The following STXBP5L variants were observed in gnomAD, a reference collection of about 807,000 sequenced individuals.
STXBP5L encodes the protein syntaxin binding protein 5L, also known as syntaxin-binding protein 5-like.
Under a neutral mutation model 144.5 loss-of-function variants are expected in STXBP5L, and 65 were observed. The ratio of observed to expected loss-of-function variants is 0.45; its 90% CI spans 0.37 to 0.55. The LOEUF is 0.55. STXBP5L is among the 20% of genes least tolerant of loss of function. The probability of loss-of-function intolerance (pLI) is 0.00; values close to 1 mark genes in which losing one functional copy is unlikely to be tolerated. For synonymous variants in STXBP5L, 505 were observed against 469.6 expected, an observed-to-expected ratio of 1.08 and a Z score of -0.97; for missense variants, 1,298 against 1,405.5, an observed-to-expected ratio of 0.92 and a Z score of 1.22.
intron 3 of STXBP5L, among the ~76,000 whole-genome samples, chr3:121,029,877 A>G (rs1239925653): frequency 6.6e-6 from 1 of 152,162 alleles, no homozygotes; most frequent in Non-Finnish European, 1.5e-5. Context: ...GGATATGAAC[A>G]GAGACTTCTC....
At chr3:121,209,937 G>GCAAA (rs2048490826) in intron 10 of STXBP5L, among the ~76,000 whole-genome samples, 1 of 152,128 alleles carries the variant, frequency 6.6e-6, no homozygotes. Context: ...ATAATCCTTT[G>GCAAA]GGTATATACC....
chr3:121,042,246 A>G (rs1947209321), intron 4 of STXBP5L, among the ~76,000 whole-genome samples: 1 of 152,068 alleles, frequency 6.6e-6, no homozygotes. Flanking sequence ...ATGCATTTGT[A>G]GTTATTTTTG....
At chr3:120,987,734 T>C (rs1942427645) in intron 3 of STXBP5L, among the ~76,000 whole-genome samples, 1 of 151,844 alleles carries the variant, frequency 6.6e-6, no homozygotes, top group African/African-American at 2.4e-5. Context: ...TTCTACATTT[T>C]ATACTTAAAT....
At chr3:121,208,203 A>G (rs1435195881) in intron 10 of STXBP5L, among the ~76,000 whole-genome samples, 2 of 152,110 alleles carry the variant, frequency 1.3e-5, no homozygotes, top group African/African-American at 2.4e-5. Context: ...TGAAGCTGGA[A>G]ACCATCATTC....
intron 3 of STXBP5L, among the ~76,000 whole-genome samples, chr3:120,985,466 T>C (rs941201213): frequency 2.2e-4 from 33 of 152,228 alleles, no homozygotes; most frequent in Admixed American, 2.1e-3. Flanking sequence ...TTTTCAAGTA[T>C]ACAGTATACT....
intron 9 of STXBP5L, among the ~76,000 whole-genome samples, chr3:121,178,340 G>C (rs1021061548): frequency 1.3e-5 from 2 of 152,136 alleles, no homozygotes; most frequent in Non-Finnish European, 2.9e-5. Flanking sequence ...TTACAGGTAA[G>C]TTGGCCATGT....
chr3:121,029,538 G>A (rs896987797), intron 3 of STXBP5L, among the ~76,000 whole-genome samples: 5 of 152,086 alleles, frequency 3.3e-5, no homozygotes, highest in Non-Finnish European at 5.9e-5. Flanking sequence ...ATGCAAGATG[G>A]ATTAAAGACT....
chr3:120,941,982 A>G (rs1335298355), intron 2 of STXBP5L, among the ~76,000 whole-genome samples: 2 of 151,810 alleles, frequency 1.3e-5, no homozygotes, highest in Non-Finnish European at 3.0e-5. Flanking sequence ...AAAACACCTA[A>G]GCTGTGGTGT....
intron 3 of STXBP5L, among the ~76,000 whole-genome samples, chr3:121,007,713 G>C (rs1944449349): frequency 1.3e-5 from 2 of 151,988 alleles, no homozygotes; most frequent in Admixed American, 1.3e-4. Context: ...TCAGTGGTTA[G>C]AGAAAGCCTT....
At chr3:121,031,685 G>A (rs1218772427) in intron 3 of STXBP5L, among the ~76,000 whole-genome samples, 4 of 152,046 alleles carry the variant, frequency 2.6e-5, no homozygotes, top group African/African-American at 4.8e-5. Flanking sequence ...TATCTTCATA[G>A]CAAGATTTAG....
chr3:120,994,574 T>C (rs1274131477), intron 3 of STXBP5L, among the ~76,000 whole-genome samples: 1 of 152,148 alleles, frequency 6.6e-6, no homozygotes, highest in Non-Finnish European at 1.5e-5. Context: ...ATTTTGTTGA[T>C]GTATTTCATT....
chr3:121,105,002 C>T (rs927162496), intron 5 of STXBP5L, among the ~76,000 whole-genome samples: 2 of 152,036 alleles, frequency 1.3e-5, no homozygotes, highest in Non-Finnish European at 2.9e-5. Context: ...CGGACTATAT[C>T]CAGAATTTAC....
chr3:121,160,008 T>A (rs1378567730), intron 9 of STXBP5L, among the ~76,000 whole-genome samples: 2 of 152,228 alleles, frequency 1.3e-5, no homozygotes, highest in African/African-American at 4.8e-5. Flanking sequence ...TTGTTGCTAA[T>A]TTTTTGTTCT....
intron 3 of STXBP5L, among the ~76,000 whole-genome samples, chr3:121,030,338 AT>A (rs1946276794): frequency 6.6e-6 from 1 of 152,202 alleles, no homozygotes; most frequent in Non-Finnish European, 1.5e-5. Flanking sequence ...ACCATGGAAT[AT>A]TATACAGCCA....
intron 9 of STXBP5L, among the ~76,000 whole-genome samples, chr3:121,196,505 T>C (rs1336073115): frequency 6.6e-6 from 1 of 152,182 alleles, no homozygotes; most frequent in African/African-American, 2.4e-5. Flanking sequence ...GAACCAACTT[T>C]TAGATTATTT....
At position 121,051,932 on chromosome 3, in the gene STXBP5L, A is replaced by G. The variant is rs570148378; in HGVS notation, c.470+6397A>G. Among the ~76,000 whole-genome samples the G allele has an allele frequency of 4.6e-5, 7 of 152,304 alleles. No homozygotes were observed. In the East Asian group the frequency reaches 1.3e-3, roughly 29 times the overall value. ...TCACCACCGATCCCACAGAAATACC[A>G]TCAGAGAATATTACAAACACCTCTA... On this transcript the variant is annotated intron_variant, in intron 5 of 26. Coordinates refer to ENST00000471454, the MANE Select transcript of STXBP5L (RefSeq NM_001308330.2).
chr3:120,960,402 T>G (rs557138562), intron 3 of STXBP5L, among the ~76,000 whole-genome samples: 1 of 152,188 alleles, frequency 6.6e-6, no homozygotes, highest in African/African-American at 2.4e-5. Flanking sequence ...AGCCATCCCA[T>G]TACGGGGTAT....
chr3:120,951,281 A>G (rs1241344873), intron 2 of STXBP5L, among the ~76,000 whole-genome samples: 1 of 152,188 alleles, frequency 6.6e-6, no homozygotes, highest in African/African-American at 2.4e-5. Flanking sequence ...AGCAATGGCA[A>G]CAAAAGCCAA....
At position 121,058,694 on chromosome 3, in the gene STXBP5L, TG is replaced by T. The variant is rs1317111967; in HGVS notation, c.470+13160del. On this transcript the variant is annotated intron_variant, in intron 5 of 26. Transcript: ENST00000471454. ...TAACTGGCGTGAGATGGTATCTCATTGTGGTTTTGATTTGCATTTCTCTAAT... is the reference window on the plus strand; with the variant it reads ...TAACTGGCGTGAGATGGTATCTCATTTGGTTTTGATTTGCATTTCTCTAAT... Among the ~76,000 whole-genome samples the T allele has an allele frequency of 3.3e-5, 5 of 152,374 alleles. No homozygotes were observed. In the South Asian group the frequency reaches 1.0e-3, roughly 32 times the overall value.
Sources: gnomAD v4.1 joint callset for allele counts (sites outside exome capture counted in the v4.1 genomes callset) on GRCh38, gnomAD v4.1.1 for gene constraint, MANE v1.5 for transcripts, NCBI Gene and HGNC (gene_info 2026-07-23, HGNC 2026-07-21) for gene names.